The following DIPK1A variants were observed in gnomAD, a reference collection of about 807,000 sequenced individuals.
The protein encoded by DIPK1A is family with sequence similarity 69 member A.
DIPK1A carries 27 observed loss-of-function variants against 40.8 expected under a neutral mutation model. The ratio of observed to expected loss-of-function variants is 0.66; its 90% CI spans 0.49 to 0.91. The LOEUF (loss-of-function observed/expected upper bound fraction) is 0.91, where lower values mean the gene tolerates loss of function less well. Ranked by LOEUF, DIPK1A falls within the 40% of genes least tolerant of loss-of-function variation. The pLI is 0.00. For synonymous variants in DIPK1A, 166 were observed against 171.3 expected, an observed-to-expected ratio of 0.97 and a Z score of 0.24; for missense variants, 412 against 505.7, an observed-to-expected ratio of 0.81 and a Z score of 1.78.
At chr1:92,883,143 G>C (rs1252470797) in intron 1 of DIPK1A, among the ~76,000 whole-genome samples, 2 of 152,164 alleles carry the variant, frequency 1.3e-5, no homozygotes, top group Admixed American at 1.3e-4. Context: ...GGCACATATT[G>C]AAAGAGCTTC....
chr1:92,877,629 A>G (rs149635644), intron 1 of DIPK1A, among the ~76,000 whole-genome samples: 11 of 152,368 alleles, frequency 7.2e-5, no homozygotes, highest in African/African-American at 2.6e-4. Context: ...CTTGAGTACA[A>G]TGAGTTCTCA....
Position 92,880,966 on chromosome 1 carries a change from C to T in DIPK1A, c.55-4536G>A, listed in dbSNP as rs546777565. On this transcript the variant is annotated intron_variant, in intron 1 of 4. Transcript: ENST00000370310. ...CAGCACTTTGGGAGGCTGAGGCAGG[C>T]GGATCATGAGGTCAGGAGTTCGAGA... 6.5e-3 allele frequency among the ~76,000 whole-genome samples: 990 copies of T among 151,396 alleles called. 13 individuals are homozygous for T. The highest frequency in any genetic ancestry group is 0.023 in the African/African-American group (943 of 41,236).
intron 1 of DIPK1A, among the ~76,000 whole-genome samples, chr1:92,890,274 A>AACTG: frequency 1.3e-5 from 2 of 152,306 alleles, no homozygotes; most frequent in African/African-American, 4.8e-5. Context: ...GGGACAATGT[A>AACTG]ACTGACTCCT....
Position 92,874,433 on chromosome 1 carries a change from A to T in DIPK1A, c.189+1863T>A, listed in dbSNP as rs537984596. ...TGTCTCTTGGAGATGCATAACACATATTAGTATCTAAAAGAACCTAAGAAG... is the reference window on the plus strand; with the variant it reads ...TGTCTCTTGGAGATGCATAACACATTTTAGTATCTAAAAGAACCTAAGAAG... On this transcript the variant is annotated intron_variant, in intron 2 of 4. Transcript: ENST00000370310. Among the ~76,000 whole-genome samples, 3 of 152,310 alleles carry T rather than the reference A, an allele frequency of 2.0e-5. No homozygotes were observed. In the South Asian group the frequency reaches 6.2e-4, roughly 32 times the overall value.
chr1:92,886,032 T>C (rs954898084), intron 1 of DIPK1A, among the ~76,000 whole-genome samples: 1 of 152,106 alleles, frequency 6.6e-6, no homozygotes, highest in Non-Finnish European at 1.5e-5. Context: ...TGATATATCT[T>C]CAAAAAATTG....
intron 1 of DIPK1A, among the ~76,000 whole-genome samples, chr1:92,956,688 T>C (rs1000800184): frequency 6.6e-6 from 1 of 152,190 alleles, no homozygotes; most frequent in Non-Finnish European, 1.5e-5. Flanking sequence ...CATTAACTCA[T>C]AAGGAACCAA....
chr1:92,843,792 CA>C lies in DIPK1A; in HGVS notation c.877del (p.Cys293AlafsTer8). ...TCCTAGGTTTTTGGCACTAGTATCG[CA>C]CATGAGGAAATTTCCGTAGGGGCCA... ...FHGPYGNFLM[C>X]DTSAKNLGYN... On this transcript the variant is annotated frameshift_variant, in exon 5 of 5. Coordinates refer to ENST00000370310, the MANE Select transcript of DIPK1A (RefSeq NM_001006605.5). LOFTEE classifies it high-confidence loss of function. 1 of 1,551,910 alleles carries C rather than the reference CA, an allele frequency of 6.4e-7. No homozygotes were observed. The highest frequency in any genetic ancestry group is 8.7e-7 in the Non-Finnish European group (1 of 1,147,052).
intron 2 of DIPK1A, among the ~76,000 whole-genome samples, chr1:92,872,643 T>C (rs1647929549): frequency 6.6e-6 from 1 of 152,204 alleles, no homozygotes; most frequent in African/African-American, 2.4e-5. Context: ...TCCTTCTGTC[T>C]AGCAGACAAA....
chr1:92,941,823 C>A (rs1243965885), intron 1 of DIPK1A, among the ~76,000 whole-genome samples: 1 of 152,104 alleles, frequency 6.6e-6, no homozygotes, highest in South Asian at 2.1e-4. Flanking sequence ...TCGAAAAGTG[C>A]ACTCAAATGT....
chr1:92,892,003 G>A lies in DIPK1A; in HGVS notation c.55-15573C>T, dbSNP rs528033672. 3.3e-3 allele frequency among the ~76,000 whole-genome samples: 503 copies of A among 152,082 alleles called. 9 individuals carry two copies. Among genetic ancestry groups the A allele is most frequent in the African/African-American group, 0.011 (447 of 41,418 alleles). ...CGAGGCTTGAGTAGGTAAACAACGC[G>A]GCCAGGAAGCTCCAACTGGGTGGAG... On this transcript the variant is annotated intron_variant, in intron 1 of 4. Transcript: ENST00000370310.
At chr1:92,838,132 T>C (rs915819721), downstream of DIPK1A, among the ~76,000 whole-genome samples, 2 of 152,210 alleles carry the variant, frequency 1.3e-5, no homozygotes, top group African/African-American at 4.8e-5. Flanking sequence ...CCAGGTTCTT[T>C]TTCGTTAGTG....
chr1:92,857,824 G>A (rs1688036632), intron 2 of DIPK1A, among the ~76,000 whole-genome samples: 1 of 152,140 alleles, frequency 6.6e-6, no homozygotes, highest in Non-Finnish European at 1.5e-5. Flanking sequence ...AGCCCAGATA[G>A]TCTGCCTCCA....
chr1:92,932,071 G>T, intron 1 of DIPK1A: 1 of 475,646 alleles, frequency 2.1e-6, no homozygotes, highest in South Asian at 1.8e-5. Context: ...AATTCCAGAA[G>T]ACTCTGACTA....
chr1:92,846,497 C>T, intron 4 of DIPK1A: 1 of 332,392 alleles, frequency 3.0e-6, no homozygotes, highest in Non-Finnish European at 6.2e-6. Context: ...TTTATTTCAC[C>T]TTTTTTGAAT....
intron 1 of DIPK1A, among the ~76,000 whole-genome samples, chr1:92,958,882 G>T (rs1651947943): frequency 1.3e-5 from 2 of 152,170 alleles, no homozygotes; most frequent in Admixed American, 6.5e-5. Context: ...TATTAACTTT[G>T]TTAGGCATGA....
intron 1 of DIPK1A, among the ~76,000 whole-genome samples, chr1:92,912,259 G>A (rs772287073): frequency 1.3e-5 from 2 of 151,960 alleles, no homozygotes; most frequent in Non-Finnish European, 2.9e-5. Context: ...GACTTGTTAC[G>A]AGAATGTTTA....
chr1:92,839,837 T>G (rs1279155138), downstream of DIPK1A, among the ~76,000 whole-genome samples: 1 of 152,002 alleles, frequency 6.6e-6, no homozygotes. Context: ...TTTTTCTTTT[T>G]GTTTTCTTAC....
intron 4 of DIPK1A, chr1:92,833,892 G>GCCC (rs1687014045): frequency 1.9e-6 from 1 of 530,208 alleles, no homozygotes; most frequent in Non-Finnish European, 3.4e-6. Context: ...GATTGCTTGA[G>GCCC]CCCAGGAGTT....
intron 1 of DIPK1A, among the ~76,000 whole-genome samples, chr1:92,954,830 T>A: frequency 6.6e-6 from 1 of 152,096 alleles, no homozygotes; most frequent in Admixed American, 6.6e-5. Context: ...TAAAAAATAA[T>A]ACTATAATCC....
Sources: allele counts gnomAD v4.1 joint callset (sites outside exome capture counted in the v4.1 genomes callset), GRCh38; gene constraint gnomAD v4.1.1; transcripts MANE v1.5; gene names NCBI Gene and HGNC (gene_info 2026-07-23, HGNC 2026-07-21).